The following FBXW10B variants were observed in gnomAD, a reference collection of about 807,000 sequenced individuals.
FBXW10B encodes the protein F-box and WD repeat domain containing 10B.
the FBXW10B span, chr17:15,593,350 T>C: frequency 1.2e-6 from 2 of 1,613,940 alleles, no homozygotes; most frequent in African/African-American, 2.7e-5. Context: ...TTGCCCTGAA[T>C]AAAGAAGGAC....
the FBXW10B span, among the ~76,000 whole-genome samples, chr17:15,592,977 G>A: frequency 1.1e-3 from 164 of 147,912 alleles, 1 homozygote; most frequent in Non-Finnish European, 1.8e-3. Context: ...ACTGGTGGGC[G>A]CCTGTAATCC....
At chr17:15,573,242 C>G in the FBXW10B span, 7 of 152,162 alleles carry the variant, frequency 4.6e-5, no homozygotes, top group Non-Finnish European at 1.0e-4. Flanking sequence ...CAGTCAAATC[C>G]TCACAGCCAG....
chr17:15,566,654 G>A, the FBXW10B span, among the ~76,000 whole-genome samples: 1 of 151,758 alleles, frequency 6.6e-6, no homozygotes, highest in African/African-American at 2.4e-5. Context: ...TCTGCCTTCC[G>A]GGTTCACGCC....
At chr17:15,605,701 G>C in the FBXW10B span, among the ~76,000 whole-genome samples, 1 of 152,168 alleles carries the variant, frequency 6.6e-6, no homozygotes, top group Non-Finnish European at 1.5e-5. Context: ...CCCCAAGAGA[G>C]AGAACAGAGT....
At chr17:15,601,437 A>G in the FBXW10B span, among the ~76,000 whole-genome samples, 2 of 151,704 alleles carry the variant, frequency 1.3e-5, no homozygotes, top group Admixed American at 6.6e-5. Context: ...AAAGAGAAAG[A>G]AAAACCAATT....
chr17:15,607,699 T>A, the FBXW10B span: 1 of 1,608,694 alleles, frequency 6.2e-7, no homozygotes. Flanking sequence ...AAGGGAATAT[T>A]TGAAGTTAAA....
At chr17:15,572,027 T>C in the FBXW10B span, 1 of 151,642 alleles carries the variant, frequency 6.6e-6, no homozygotes, top group East Asian at 1.9e-4. Context: ...AGAAACTTTT[T>C]GAAAAGATAA....
the FBXW10B span, among the ~76,000 whole-genome samples, chr17:15,616,628 C>T: frequency 1.2e-4 from 18 of 151,762 alleles, no homozygotes; most frequent in African/African-American, 4.3e-4. Context: ...CACGGTGAAA[C>T]CCCGTCTCTA....
the FBXW10B span, among the ~76,000 whole-genome samples, chr17:15,610,422 G>T: frequency 6.6e-6 from 1 of 152,158 alleles, no homozygotes; most frequent in Admixed American, 6.6e-5. Context: ...TCTTTCTGCA[G>T]CTGCAGGCAT....
chr17:15,610,246 A>C, the FBXW10B span, among the ~76,000 whole-genome samples: 2 of 152,140 alleles, frequency 1.3e-5, no homozygotes, highest in Non-Finnish European at 2.9e-5. Flanking sequence ...GTTTATTTCA[A>C]ATCTGGGAGG....
chr17:15,580,576 T>G, the FBXW10B span, among the ~76,000 whole-genome samples: 1 of 99,668 alleles, frequency 1.0e-5, no homozygotes, highest in Non-Finnish European at 2.5e-5. Context: ...TCTGACAAAA[T>G]AAATCAGGGG....
chr17:15,585,627 G>A, the FBXW10B span, among the ~76,000 whole-genome samples: 4 of 152,344 alleles, frequency 2.6e-5, no homozygotes, highest in South Asian at 8.3e-4. Flanking sequence ...CGTGTTTGAT[G>A]AGAGGAATGA....
chr17:15,604,019 G>A, the FBXW10B span, among the ~76,000 whole-genome samples: 1 of 146,190 alleles, frequency 6.8e-6, no homozygotes, highest in Non-Finnish European at 1.5e-5. Flanking sequence ...GGCGGAGCTT[G>A]CAGTGAGCCA....
chr17:15,569,449 C>CTTTTTCTT, the FBXW10B span, among the ~76,000 whole-genome samples: 1 of 116,124 alleles, frequency 8.6e-6, no homozygotes, highest in Non-Finnish European at 1.8e-5. Context: ...TTTTCTTTTT[C>CTTTTTCTT]TTTTTCTTTT....
the FBXW10B span, chr17:15,612,722 C>T: frequency 3.8e-5 from 62 of 1,613,998 alleles, no homozygotes; most frequent in South Asian, 2.5e-4. Context: ...ACTTCCACTT[C>T]GGATGTTTCA....
the FBXW10B span, among the ~76,000 whole-genome samples, chr17:15,615,077 G>C: frequency 3.8e-4 from 58 of 152,192 alleles, no homozygotes; most frequent in African/African-American, 1.3e-3. Flanking sequence ...GATGTGTCTT[G>C]TGGGCACTGC....
At chr17:15,584,615 G>T in the FBXW10B span, among the ~76,000 whole-genome samples, 5 of 152,196 alleles carry the variant, frequency 3.3e-5, no homozygotes, top group South Asian at 4.1e-4. Flanking sequence ...AAGCTCTGAA[G>T]TCCACTGATT....
At chr17:15,607,693 G>A in the FBXW10B span, 10 of 1,609,486 alleles carry the variant, frequency 6.2e-6, no homozygotes, top group Admixed American at 1.7e-5. Flanking sequence ...TCTAACAAGG[G>A]AATATTTGAA....
At chr17:15,606,545 G>A in the FBXW10B span, among the ~76,000 whole-genome samples, 1 of 149,534 alleles carries the variant, frequency 6.7e-6, no homozygotes, top group Non-Finnish European at 1.5e-5. Context: ...AATATGGATA[G>A]TATGGTGATA....
Sources: gnomAD v4.1 joint callset for allele counts (sites outside exome capture counted in the v4.1 genomes callset) on GRCh38, gnomAD v4.1.1 for gene constraint, MANE v1.5 for transcripts, NCBI Gene and HGNC (gene_info 2026-07-23, HGNC 2026-07-21) for gene names.